The following TBC1D8 variants were observed in gnomAD, a reference collection of about 807,000 sequenced individuals.
TBC1D8 encodes the protein BUB2-like protein 1.
A neutral mutation model predicts 118.8 loss-of-function variants in TBC1D8; 65 were observed. The ratio of observed to expected loss-of-function variants is 0.55; its 90% confidence interval spans 0.45 to 0.67. TBC1D8 has a LOEUF of 0.67. TBC1D8 is among the 30% of genes least tolerant of loss of function. TBC1D8 has a pLI of 0.00. For missense variants in TBC1D8, 1,376 were observed against 1,471.2 expected, an observed-to-expected ratio of 0.94 and a Z score of 1.06; for synonymous variants, 566 against 595.8, an observed-to-expected ratio of 0.95 and a Z score of 0.73.
intron 19 of TBC1D8, among the ~76,000 whole-genome samples, chr2:101,009,331 G>C (rs1269010167): frequency 6.6e-6 from 1 of 151,744 alleles, no homozygotes; most frequent in Admixed American, 6.6e-5. Flanking sequence ...GCATGAACTT[G>C]GGAGGCGGAG....
intron 2 of TBC1D8, among the ~76,000 whole-genome samples, chr2:101,087,838 C>T (rs1304713151): frequency 1.3e-5 from 2 of 152,128 alleles, no homozygotes; most frequent in African/African-American, 2.4e-5. Context: ...AGAATGCTGG[C>T]ACCCTTGACT....
At chr2:101,079,292 C>G (rs545775487) in intron 2 of TBC1D8, among the ~76,000 whole-genome samples, 1 of 152,196 alleles carries the variant, frequency 6.6e-6, no homozygotes, top group South Asian at 2.1e-4. Context: ...TCCTGCTCTA[C>G]GCAGAAGTTA....
At chr2:101,129,541 T>G (rs1678495945) in intron 1 of TBC1D8, among the ~76,000 whole-genome samples, 1 of 152,182 alleles carries the variant, frequency 6.6e-6, no homozygotes, top group South Asian at 2.1e-4. Context: ...TGGAGAGATC[T>G]GGAGGAGCCA....
intron 1 of TBC1D8, among the ~76,000 whole-genome samples, chr2:101,135,417 TA>T (rs547748570): frequency 0.011 from 1,626 of 142,126 alleles, 14 homozygotes; most frequent in African/African-American, 0.031. Flanking sequence ...GCTCAACTAA[TA>T]AAAAAAAAAA....
At chr2:101,136,958 T>G (rs1678878923) in intron 1 of TBC1D8, among the ~76,000 whole-genome samples, 1 of 152,214 alleles carries the variant, frequency 6.6e-6, no homozygotes, top group South Asian at 2.1e-4. Flanking sequence ...TTAAAGTGTT[T>G]CTGTCAAGCA....
Position 101,008,251 on chromosome 2 carries a change from T to C in TBC1D8, c.3038A>G (p.Lys1013Arg). 6.4e-7 allele frequency: 1 copy of C among 1,553,196 alleles called. No homozygotes were observed. Among genetic ancestry groups the C allele is most frequent in the Non-Finnish European group, 8.7e-7 (1 of 1,148,760 alleles). Residue 1013 changes from lysine to arginine, a missense_variant, in exon 20 of 20, where the codon AAA becomes AGA. Transcript: ENST00000409318. ...TTCATGGAACATACTGTACAGAGTT[T>C]TACAGAACTGGATAAATTCTCTCTG... Reference protein sequence around the residue: ...MSQREFIQFCKTLYSMFHEDP... With the variant: ...MSQREFIQFCRTLYSMFHEDP...
chr2:101,138,283 T>C (rs56109794), intron 1 of TBC1D8, among the ~76,000 whole-genome samples: 15,573 of 152,220 alleles, frequency 0.1, 1,049 homozygotes, highest in Non-Finnish European at 0.15. Flanking sequence ...TTTAAATTAG[T>C]TAATTGTTTT....
At position 101,011,468 on chromosome 2, in the gene TBC1D8, A is replaced by C; in HGVS notation, c.2900T>G (p.Val967Gly). ...GTACGTGCCATTGGGTTTCCCGAAA[A>C]CCAGGGGTCTCGATGTTGACAACAG... is the stretch of plus-strand genomic sequence containing the variant. The part of the protein sequence containing the change: ...NPLLSTSRPL[V>G]FGKPNGDAVD... The change falls in exon 18 of 20, where the codon GTT (valine) becomes GGT (glycine). Residue 967 changes from valine (V) to glycine (G), a missense_variant. Physicochemically the swap from Val to Gly is moderately radical, Grantham distance 109 (BLOSUM62 -3). Coordinates refer to ENST00000409318, the MANE Select transcript of TBC1D8 (RefSeq NM_001330348.2). The C allele has an allele frequency of 6.2e-7, 1 of 1,613,936 alleles. No individual in the cohort carries two copies. The highest frequency in any genetic ancestry group is 1.1e-5 in the South Asian group (1 of 91,064).
intron 17 of TBC1D8, among the ~76,000 whole-genome samples, chr2:101,020,067 C>G (rs1356955032): frequency 7.5e-6 from 1 of 133,224 alleles, no homozygotes; most frequent in Admixed American, 7.9e-5. Context: ...AGCGAAACTC[C>G]GTCTCAAAAA....
rs1682944366 is a variant in TBC1D8, at chr2:101,065,025, C to A, written c.284-5486G>T. Among the ~76,000 whole-genome samples, 3 of 152,144 alleles carry A rather than the reference C, an allele frequency of 2.0e-5. 1 individual carries two copies. The South Asian group carries it at 6.2e-4, about 32-fold the overall frequency. On this transcript the variant is annotated intron_variant, in intron 2 of 19. Coordinates refer to ENST00000409318, the MANE Select transcript of TBC1D8 (RefSeq NM_001330348.2). ...AGTGGCTGAGTCACACTGAAACGCA[C>A]ACACAATATTTATTCTCTTAGGTTT... is the stretch of plus-strand genomic sequence containing the variant.
At chr2:101,061,187 C>CAA (rs397785120) in intron 2 of TBC1D8, among the ~76,000 whole-genome samples, 1,097 of 50,894 alleles carry the variant, frequency 0.022, 35 homozygotes, top group Non-Finnish European at 0.028. Context: ...GACTCTGTCT[C>CAA]AAAAAAAAAA....
chr2:101,065,411 C>T (rs1313334800), intron 2 of TBC1D8, among the ~76,000 whole-genome samples: 1 of 152,196 alleles, frequency 6.6e-6, no homozygotes, highest in African/African-American at 2.4e-5. Context: ...AAATCTCACT[C>T]AACACTCACC....
chr2:101,117,576 T>C (rs2104223592), intron 1 of TBC1D8, among the ~76,000 whole-genome samples: 1 of 146,756 alleles, frequency 6.8e-6, no homozygotes, highest in South Asian at 2.3e-4. Flanking sequence ...AACTTTTTTT[T>C]TTTTTTTTTT....
chr2:101,036,589 T>TAC (rs1316908865), intron 8 of TBC1D8, among the ~76,000 whole-genome samples: 4 of 151,712 alleles, frequency 2.6e-5, no homozygotes, highest in Non-Finnish European at 5.9e-5. Flanking sequence ...CAAAGGGGAG[T>TAC]ACAGGGGCAT....
intron 2 of TBC1D8, among the ~76,000 whole-genome samples, chr2:101,060,911 G>T (rs1199811973): frequency 6.6e-6 from 1 of 152,136 alleles, no homozygotes; most frequent in African/African-American, 2.4e-5. Context: ...ATATGGACCG[G>T]GTGCAGTGGC....
chr2:101,137,528 G>A (rs1363748641), intron 1 of TBC1D8, among the ~76,000 whole-genome samples: 1 of 149,700 alleles, frequency 6.7e-6, no homozygotes, highest in Non-Finnish European at 1.5e-5. Context: ...TAGCTAGGAT[G>A]GTCTCGATCT....
intron 1 of TBC1D8, among the ~76,000 whole-genome samples, chr2:101,124,987 CA>C (rs1678290831): frequency 1.3e-5 from 2 of 152,170 alleles, no homozygotes; most frequent in Admixed American, 6.5e-5. Flanking sequence ...CACGGATAAA[CA>C]ATCTAAGATC....
intron 2 of TBC1D8, among the ~76,000 whole-genome samples, chr2:101,079,201 T>A (rs1675081781): frequency 6.6e-6 from 1 of 152,186 alleles, no homozygotes; most frequent in Admixed American, 6.5e-5. Context: ...CCAGTCAATG[T>A]CTCTTCATCT....
rs373248214 is a variant in TBC1D8, at chr2:101,036,096, G to A, written c.1525C>T (p.Arg509Cys). 29 of 1,613,972 alleles carry A rather than the reference G, an allele frequency of 1.8e-5. No homozygotes were observed. Among genetic ancestry groups the A allele is most frequent in the African/African-American group, 6.7e-5 (5 of 75,032 alleles). ...VEYGRTVCMF[R>C]TEKIRKLVAM... is the part of the protein sequence containing the mutation. ...ACGAGCTTCCGAATCTTCTCTGTGC[G>A]AAACATACACACGGTTCTGCCGTAT... Residue 509 changes from arginine (R) to cysteine (C), a missense_variant, in exon 9 of 20, where the codon CGC becomes TGC. Coordinates refer to ENST00000409318, the MANE Select transcript of TBC1D8 (RefSeq NM_001330348.2).
Sources: gnomAD v4.1 joint callset for allele counts (sites outside exome capture counted in the v4.1 genomes callset) on GRCh38, gnomAD v4.1.1 for gene constraint, MANE v1.5 for transcripts, NCBI Gene and HGNC (gene_info 2026-07-23, HGNC 2026-07-21) for gene names.